Variants in ABCB1 observed in about 807,000 individuals in gnomAD.
ABCB1 encodes ATP-dependent translocase ABCB1.
A neutral mutation model predicts 142.0 loss-of-function variants in ABCB1; 69 were observed. The ratio of observed to expected loss-of-function variants is 0.49; its 90% CI spans 0.40 to 0.59. ABCB1 has a LOEUF of 0.59. Among genes scored for constraint, ABCB1 ranks in the 20% least tolerant of loss-of-function variants. ABCB1 has a pLI of 0.00. For missense variants in ABCB1, 1,326 were observed against 1,554.7 expected (o/e 0.85, Z 2.47); for synonymous variants, 532 against 539.2 (o/e 0.99, Z 0.18).
intron 7 of ABCB1, among the ~76,000 whole-genome samples, 193 bp downstream of exon 7, chr7:87,565,877 G>A (rs577964438): frequency 1.2e-4 from 19 of 152,152 alleles, no homozygotes; most frequent in Admixed American, 3.3e-4. Context: ...ACATGGCCAA[G>A]AACAGCATGG....
intron 21 of ABCB1, among the ~76,000 whole-genome samples, chr7:87,530,667 A>G (rs1044594260): frequency 6.6e-6 from 1 of 152,062 alleles, no homozygotes; most frequent in Non-Finnish European, 1.5e-5. Context: ...AGTGGTAGTA[A>G]TTTAAAACAG....
rs28401775 is a variant in ABCB1, at chr7:87,520,762, T to C, written c.2786+14A>G. ...ATTATTCACACTCTCCTCCCACTCTTCAGCGGTTATTACCTGTATGGTACC... is the reference window on the plus strand; with the variant it reads ...ATTATTCACACTCTCCTCCCACTCTCCAGCGGTTATTACCTGTATGGTACC... On this transcript the variant is annotated intron_variant, in intron 22 of 27. Coordinates refer to ENST00000622132, the MANE Select transcript of ABCB1 (RefSeq NM_001348946.2). 1.2e-3 allele frequency: 1,942 copies of C among 1,600,690 alleles called. 6 individuals are homozygous for C. Among genetic ancestry groups the C allele is most frequent in the Non-Finnish European group, 1.5e-3 (1,800 of 1,167,906 alleles).
chr7:87,516,878 A>T (rs2117088245), intron 23 of ABCB1, among the ~76,000 whole-genome samples: 1 of 151,960 alleles, frequency 6.6e-6, no homozygotes. Flanking sequence ...CTGGGACTAC[A>T]ACTGTGCATG....
intron 3 of ABCB1, among the ~76,000 whole-genome samples, chr7:87,586,366 G>C (rs1378150023): frequency 3.3e-5 from 5 of 152,176 alleles, no homozygotes; most frequent in African/African-American, 4.8e-5. Context: ...TACAGGAAAA[G>C]GACACAGTTA....
chr7:87,664,404 G>A (rs1171397336), intron 1 of ABCB1, among the ~76,000 whole-genome samples: 3 of 152,242 alleles, frequency 2.0e-5, no homozygotes, highest in African/African-American at 7.2e-5. Flanking sequence ...GCAGGAAAAT[G>A]TGATCAATTC....
At chr7:87,578,036 T>C (rs980980671) in intron 4 of ABCB1, among the ~76,000 whole-genome samples, 1 of 152,220 alleles carries the variant, frequency 6.6e-6, no homozygotes, top group Admixed American at 6.5e-5. Context: ...CTTCTTTTAG[T>C]AGTTTCATAG....
At chr7:87,520,377 A>G (rs940454199) in intron 22 of ABCB1, among the ~76,000 whole-genome samples, 5 of 152,190 alleles carry the variant, frequency 3.3e-5, no homozygotes, top group Non-Finnish European at 5.9e-5. Flanking sequence ...GCACTGGAGA[A>G]GGGGTAAAAA....
chr7:87,610,396 CTTTTTTT>C (rs766581770), intron 1 of ABCB1, among the ~76,000 whole-genome samples: 4 of 73,810 alleles, frequency 5.4e-5, no homozygotes, highest in Non-Finnish European at 7.3e-5. Flanking sequence ...CACACCTGGC[CTTTTTTT>C]TTTTTTTTTT....
intron 4 of ABCB1, among the ~76,000 whole-genome samples, chr7:87,582,852 C>G (rs1818569875): frequency 6.6e-6 from 1 of 151,948 alleles, no homozygotes; most frequent in South Asian, 2.1e-4. Context: ...AAAATCCATT[C>G]TTAGTTCACA....
At position 87,585,472 on chromosome 7, in the gene ABCB1, T is replaced by G. The variant is rs747548037; in HGVS notation, c.286+40A>C. ...CATCACTCTAAGTGCTTGTTTTTGC[T>G]GCAAGTTTCCAATAAAATTGGTACA... is the stretch of plus-strand genomic sequence containing the variant. On this transcript the variant is annotated intron_variant, in intron 4 of 27. Transcript: ENST00000622132. 1.9e-6 allele frequency: 3 copies of G among 1,606,372 alleles called. No homozygotes were observed. In the Admixed American group the frequency reaches 5.0e-5, roughly 27 times the overall value.
intron 8 of ABCB1, among the ~76,000 whole-genome samples, chr7:87,555,375 T>C (rs961814969): frequency 3.3e-5 from 5 of 152,194 alleles, no homozygotes; most frequent in African/African-American, 7.2e-5. Context: ...CTTTGATCCA[T>C]AAATTCACAA....
chr7:87,699,073 C>T (rs1456634223), intron 1 of ABCB1, among the ~76,000 whole-genome samples: 1 of 152,144 alleles, frequency 6.6e-6, no homozygotes, highest in Non-Finnish European at 1.5e-5. Context: ...AGTCAAGTTA[C>T]ACTAATGTTC....
intron 8 of ABCB1, among the ~76,000 whole-genome samples, chr7:87,559,184 A>G (rs1817442502): frequency 6.6e-6 from 1 of 152,090 alleles, no homozygotes; most frequent in Non-Finnish European, 1.5e-5. Flanking sequence ...CTTGCCTACA[A>G]AATTATCCAG....
chr7:87,662,829 A>T (rs1266404663), intron 1 of ABCB1, among the ~76,000 whole-genome samples: 2 of 152,152 alleles, frequency 1.3e-5, no homozygotes, highest in Non-Finnish European at 2.9e-5. Flanking sequence ...TTGAATATGT[A>T]TACTGCTTTG....
At chr7:87,545,580 A>T (rs1816740059) in intron 15 of ABCB1, among the ~76,000 whole-genome samples, 1 of 152,198 alleles carries the variant, frequency 6.6e-6, no homozygotes, top group Non-Finnish European at 1.5e-5. Flanking sequence ...TCCAATTCAG[A>T]TTCACTACCA....
chr7:87,667,566 T>C (rs1182915677), intron 1 of ABCB1, among the ~76,000 whole-genome samples: 1 of 151,892 alleles, frequency 6.6e-6, no homozygotes, highest in South Asian at 2.1e-4. Context: ...CTTCTCAGTT[T>C]TCAAGGGGAA....
chr7:87,506,003 G>C lies in ABCB1; in HGVS notation c.3530C>G (p.Ser1177Cys), dbSNP rs1466258029. The change falls in exon 27 of 28, where the codon TCT (serine) becomes TGT (cysteine). Residue 1177 changes from serine to cysteine, a missense_variant. Transcript: ENST00000622132. ...TKVGDKGTQLSGGQKQRIAIA... is the reference protein window; with the variant it reads ...TKVGDKGTQLCGGQKQRIAIA... ...GGCAATGCGTTGTTTCTGGCCACCA[G>C]AGAGCTGAGTTCCTTTGTCTCCTAC... The C allele has an allele frequency of 1.2e-6, 2 of 1,613,992 alleles. No individual in the cohort carries two copies. The highest frequency in any genetic ancestry group is 1.3e-5 in the African/African-American group (1 of 74,934).
intron 1 of ABCB1, among the ~76,000 whole-genome samples, chr7:87,677,493 A>G (rs1826494753): frequency 6.6e-6 from 1 of 152,134 alleles, no homozygotes. Flanking sequence ...AGTAACAGAG[A>G]GTAAAATGTT....
At chr7:87,509,217 C>T (rs1814891573) in intron 26 of ABCB1, 58 bp downstream of exon 26, 1 of 1,572,006 alleles carries the variant, frequency 6.4e-7, no homozygotes, top group Admixed American at 1.7e-5. Flanking sequence ...ATAAATCAAA[C>T]TATAGGCCAG....
Sources: allele counts gnomAD v4.1 joint callset (sites outside exome capture counted in the v4.1 genomes callset), GRCh38; gene constraint gnomAD v4.1.1; transcripts MANE v1.5; gene names NCBI Gene and HGNC (gene_info 2026-07-23, HGNC 2026-07-21).